UNC80: variants seen among roughly 807,000 people sequenced by gnomAD.
UNC80 encodes unc-80 subunit of NALCN channel complex, also known as protein unc-80 homolog.
Under a neutral mutation model 384.6 loss-of-function variants are expected in UNC80, and 164 were observed. The observed-to-expected ratio is 0.43, with a 90% CI of 0.38 to 0.49. The LOEUF (loss-of-function observed/expected upper bound fraction) is 0.49, where lower values mean the gene tolerates loss of function less well. UNC80 is among the 20% of genes least tolerant of loss of function. UNC80 has a pLI of 0.00. For synonymous variants in UNC80, 1,486 were observed against 1,527.8 expected, an observed-to-expected ratio of 0.97 and a Z score of 0.64; for missense variants, 3,330 against 4,143.0, an observed-to-expected ratio of 0.80 and a Z score of 5.39.
chr2:209,794,781 C>T (rs1232972745), intron 7 of UNC80: 3 of 454,162 alleles, frequency 6.6e-6, no homozygotes, highest in African/African-American at 2.0e-5. Flanking sequence ...TTTCTCTTGC[C>T]ACCACCATAT....
chr2:209,947,146 C>T (rs2091951088), intron 47 of UNC80, among the ~76,000 whole-genome samples: 1 of 152,034 alleles, frequency 6.6e-6, no homozygotes, highest in Admixed American at 6.6e-5. Flanking sequence ...CCTATAATAC[C>T]ACTGATCTAC....
chr2:209,944,633 T>C (rs2091822515), intron 45 of UNC80, among the ~76,000 whole-genome samples: 1 of 152,200 alleles, frequency 6.6e-6, no homozygotes, highest in South Asian at 2.1e-4. Context: ...CATGTGGAGA[T>C]ACATTATCAA....
At chr2:209,844,546 TCC>T (rs2082038785) in intron 21 of UNC80, among the ~76,000 whole-genome samples, 1 of 127,824 alleles carries the variant, frequency 7.8e-6, no homozygotes, top group Admixed American at 8.5e-5. Context: ...CTTCCTTCCT[TCC>T]TTTTTCTTTC....
Position 209,839,927 on chromosome 2 carries a change from T to C in UNC80, c.3250+497T>C, listed in dbSNP as rs939258746. ...GGAGAGCACTCCAGGTAGCCATTAT[T>C]TGCAAAGATATTAGGAGGCTGAAGG... On this transcript the variant is annotated intron_variant, in intron 19 of 64. Transcript: ENST00000673920. The surrounding 1 kb of genome is among the most constrained non-coding windows in gnomAD (Gnocchi z 4.1). Among the ~76,000 whole-genome samples, 6 of 152,162 alleles carry C rather than the reference T, an allele frequency of 3.9e-5. No homozygotes were observed. Among genetic ancestry groups the C allele is most frequent in the African/African-American group, 1.4e-4 (6 of 41,510 alleles).
intron 51 of UNC80, among the ~76,000 whole-genome samples, chr2:209,965,614 G>A (rs1453380855): frequency 6.6e-6 from 1 of 151,758 alleles, no homozygotes; most frequent in Non-Finnish European, 1.5e-5. Flanking sequence ...GTAGAGACAG[G>A]GTTTCACCAT....
intron 28 of UNC80, among the ~76,000 whole-genome samples, chr2:209,900,198 T>G (rs1163582489): frequency 6.6e-6 from 1 of 152,232 alleles, no homozygotes; most frequent in East Asian, 1.9e-4. Context: ...TTTATTGTAC[T>G]TTACTCTACT....
Position 209,965,035 on chromosome 2 carries a change from A to C in UNC80, c.7806-2402A>C, listed in dbSNP as rs139705187. ...AATTTTTCTGAGTCCATAAATTTGG[A>C]GACACATACTGAAATATGTCTGGGT... On this transcript the variant is annotated intron_variant, in intron 51 of 64. Transcript: ENST00000673920. 3.9e-3 allele frequency among the ~76,000 whole-genome samples: 589 copies of C among 152,240 alleles called. 4 individuals carry two copies. Among genetic ancestry groups the C allele is most frequent in the African/African-American group, 0.013 (553 of 41,534 alleles).
chr2:209,876,775 T>C (rs993273789), intron 23 of UNC80, among the ~76,000 whole-genome samples: 12 of 152,180 alleles, frequency 7.9e-5, no homozygotes, highest in African/African-American at 2.9e-4. Context: ...GCAGCTAAAA[T>C]TTTAGAATCC....
rs1439868902 is a variant in UNC80 at position 209,973,108 on chromosome 2, A to G, written c.8425A>G (p.Thr2809Ala). The G allele has an allele frequency of 6.4e-7, 1 of 1,551,598 alleles. No homozygotes were observed. Residue 2809 changes from threonine to alanine, a missense_variant, in exon 56 of 65, where the codon ACA becomes GCA. Thr to Ala is a moderately conservative substitution (Grantham distance 58). This residue lies in a region of UNC80 where 1,049 missense variants were observed against 1,488.6 expected (regional missense o/e 0.70). Transcript: ENST00000673920. ...EQPEVQLLLQ[T>A]VINVLLPPRI... Reference sequence around the variant, plus strand: ...GCCTGAGGTGCAGCTGCTGCTGCAGACAGTCATCAATGTACTCCTCCCACC... The same window carrying G: ...GCCTGAGGTGCAGCTGCTGCTGCAGGCAGTCATCAATGTACTCCTCCCACC...
intron 48 of UNC80, among the ~76,000 whole-genome samples, chr2:209,956,139 G>A (rs1173989790): frequency 1.3e-5 from 2 of 151,952 alleles, no homozygotes; most frequent in Non-Finnish European, 2.9e-5. Flanking sequence ...TGACTTACTC[G>A]AAGTGTCACA....
intron 48 of UNC80, among the ~76,000 whole-genome samples, chr2:209,954,612 A>G (rs767588834): frequency 7.9e-5 from 12 of 152,216 alleles, no homozygotes; most frequent in Non-Finnish European, 1.3e-4. Flanking sequence ...GAATTTAAAG[A>G]TGTAATCTAC....
At chr2:209,819,652 A>G (rs146843912) in intron 12 of UNC80, among the ~76,000 whole-genome samples, 1,819 of 152,318 alleles carry the variant, frequency 0.012, 38 homozygotes, top group African/African-American at 0.04. Context: ...AAAAATGAAT[A>G]GAAATTCTTA....
At chr2:209,841,042 A>G (rs2081705044) in intron 20 of UNC80, among the ~76,000 whole-genome samples, 1 of 151,912 alleles carries the variant, frequency 6.6e-6, no homozygotes, top group Non-Finnish European at 1.5e-5. Context: ...TTTTCCCACT[A>G]CTTTTGGCAC....
chr2:209,956,398 CTCAT>C (rs1199511585), intron 48 of UNC80, among the ~76,000 whole-genome samples: 1 of 9,786 alleles, frequency 1.0e-4, no homozygotes, highest in Non-Finnish European at 2.3e-4. Flanking sequence ...AACTTCCAAG[CTCAT>C]TCAATTTTTT....
At chr2:209,784,327 G>A (rs748441751) in intron 4 of UNC80, among the ~76,000 whole-genome samples, 2 of 152,070 alleles carry the variant, frequency 1.3e-5, no homozygotes, top group Non-Finnish European at 2.9e-5. Context: ...TATATATCCA[G>A]TCATGTCACT....
At chr2:209,929,784 G>C (rs2090712309) in intron 36 of UNC80, 87 bp from the exon 37 acceptor site, 1 of 1,039,952 alleles carries the variant, frequency 9.6e-7, no homozygotes, top group Non-Finnish European at 1.4e-6. Context: ...AAAAAGCAGA[G>C]ACTAAAGCTT....
At chr2:209,966,146 CA>C (rs1309813273) in intron 51 of UNC80, among the ~76,000 whole-genome samples, 1 of 152,116 alleles carries the variant, frequency 6.6e-6, no homozygotes, top group Non-Finnish European at 1.5e-5. Flanking sequence ...CTGCCTAACT[CA>C]ACATGTACTG....
chr2:209,959,777 G>C lies in UNC80; in HGVS notation c.7805+70G>C. Reference sequence around the variant, plus strand: ...CCCATGTGTCTGAATGTGTGTGTTGGGTTGAGAGTGGGGGTTCTCCAGGAA... The same window carrying C: ...CCCATGTGTCTGAATGTGTGTGTTGCGTTGAGAGTGGGGGTTCTCCAGGAA... On this transcript the variant is annotated intron_variant, in intron 51 of 64. Coordinates refer to ENST00000673920, the MANE Select transcript of UNC80 (RefSeq NM_001371986.1). The C allele has an allele frequency of 2.1e-6, 3 of 1,397,548 alleles. No homozygotes were observed. In the Admixed American group the frequency reaches 6.9e-5, roughly 32 times the overall value. The allele number at this position is 1,397,548 out of a possible 1,614,324, so 86.6% of individuals were successfully genotyped here.
intron 35 of UNC80, 68 bp downstream of exon 35, chr2:209,922,451 C>A (rs958370754): frequency 6.8e-7 from 1 of 1,471,692 alleles, no homozygotes; most frequent in Admixed American, 2.1e-5. Flanking sequence ...CAGTTAATAT[C>A]ATGATCTCAC....
Sources: allele counts gnomAD v4.1 joint callset (sites outside exome capture counted in the v4.1 genomes callset), GRCh38; gene constraint gnomAD v4.1.1; regional missense constraint gnomAD v4.1.1; non-coding constraint Gnocchi (gnomAD v3.1); transcripts MANE v1.5; gene names NCBI Gene and HGNC (gene_info 2026-07-23, HGNC 2026-07-21).